The following CCDC125 variants were observed in gnomAD, a reference collection of about 807,000 sequenced individuals.
CCDC125 encodes coiled-coil domain containing 125.
A neutral mutation model predicts 57.4 loss-of-function variants in CCDC125; 43 were observed. The observed-to-expected ratio is 0.75, with a 90% CI of 0.59 to 0.97. CCDC125 has a LOEUF of 0.97. Ranked by LOEUF, CCDC125 falls within the 50% of genes least tolerant of loss-of-function variation. CCDC125 has a pLI of 0.00. For missense variants in CCDC125, 563 were observed against 595.7 expected (o/e 0.95, Z 0.57); for synonymous variants, 187 against 195.2 (o/e 0.96, Z 0.35).
chr5:69,316,765 G>A (rs1000025282), intron 2 of CCDC125, among the ~76,000 whole-genome samples: 23 of 151,696 alleles, frequency 1.5e-4, no homozygotes, highest in African/African-American at 5.3e-4. Flanking sequence ...CTCCCACCTC[G>A]GCCTCCCAAA....
chr5:69,315,450 CA>C (rs1359288696), intron 2 of CCDC125, among the ~76,000 whole-genome samples: 1 of 4,864 alleles, frequency 2.1e-4, no homozygotes, highest in African/African-American at 4.1e-4. Context: ...AAAAAAAAAA[CA>C]AAAAAAAAAA....
intron 1 of CCDC125, among the ~76,000 whole-genome samples, chr5:69,327,256 G>A (rs1037216334): frequency 1.3e-5 from 2 of 151,606 alleles, no homozygotes; most frequent in African/African-American, 4.9e-5. Context: ...CACCACGCCC[G>A]GCTAATTTTT....
intron 8 of CCDC125, 88 bp downstream of exon 8, chr5:69,299,924 T>A (rs1329014362): frequency 5.8e-6 from 6 of 1,042,800 alleles, no homozygotes; most frequent in Non-Finnish European, 9.0e-6. Flanking sequence ...GTATGTGCTA[T>A]CCTACAATGT....
At chr5:69,275,990 T>C (rs1488025728), downstream of CCDC125, among the ~76,000 whole-genome samples, 1 of 152,200 alleles carries the variant, frequency 6.6e-6, no homozygotes, top group Non-Finnish European at 1.5e-5. Flanking sequence ...ATTCAGCCTG[T>C]ATAGGCTATT....
chr5:69,284,595 T>C (rs1025958988), intron 11 of CCDC125, among the ~76,000 whole-genome samples: 8 of 152,056 alleles, frequency 5.3e-5, no homozygotes, highest in Non-Finnish European at 8.8e-5. Flanking sequence ...CGAGAAAAGA[T>C]GAGCTGAGGG....
intron 2 of CCDC125, among the ~76,000 whole-genome samples, chr5:69,318,035 G>A (rs1437265694): frequency 7.1e-6 from 1 of 141,742 alleles, no homozygotes; most frequent in East Asian, 2.2e-4. Flanking sequence ...AGGCTGGAGC[G>A]CAGTGGTGCG....
rs536290786 is a variant in CCDC125, at chr5:69,323,258, G to A, written c.-40-2678C>T. 2.6e-4 allele frequency among the ~76,000 whole-genome samples: 39 copies of A among 151,678 alleles called. 1 individual carries two copies. Among genetic ancestry groups the A allele is most frequent in the South Asian group, 2.3e-3 (11 of 4,804 alleles). On this transcript the variant is annotated intron_variant, in intron 1 of 11. Coordinates refer to ENST00000396496, the MANE Select transcript of CCDC125 (RefSeq NM_176816.5). ...TGGGAGACAGAGGTTGCAGTAAGCC[G>A]AGATTGCGCCACTGCACTCTAGCCT...
chr5:69,278,885 GAGAC>G (rs1218760932), downstream of CCDC125, among the ~76,000 whole-genome samples: 1 of 141,440 alleles, frequency 7.1e-6, no homozygotes, highest in African/African-American at 2.6e-5. Flanking sequence ...TTTTTTTAAT[GAGAC>G]AGAGTCTTGC....
At chr5:69,277,785 G>A (rs1245455634), downstream of CCDC125, among the ~76,000 whole-genome samples, 2 of 148,682 alleles carry the variant, frequency 1.3e-5, no homozygotes, top group African/African-American at 2.5e-5. Flanking sequence ...AAAAAAAAAT[G>A]TAGTAGTGGT....
At chr5:69,273,883 AGATGGATG>A in the CCDC125 span, among the ~76,000 whole-genome samples, 1 of 152,138 alleles carries the variant, frequency 6.6e-6, no homozygotes, top group Non-Finnish European at 1.5e-5. Context: ...ATATATATGG[AGATGGATG>A]GATGGATGGA....
rs1422546645 is a variant in CCDC125, at chr5:69,280,268, C to T, written c.*2461G>A. On this transcript the variant is annotated 3_prime_UTR_variant, in exon 12 of 12. Transcript: ENST00000396496. ...CTATCTTCAGTAGGGACTTTCCCTT[C>T]TAGAGAGCATACACATTTTGATTTT... 6.6e-6 allele frequency: 1 copy of T among 152,192 alleles called. No homozygotes were observed. Among genetic ancestry groups the T allele is most frequent in the Non-Finnish European group, 1.5e-5 (1 of 68,030 alleles). The allele number at this position is 152,192 out of a possible 1,614,324, so 9.4% of individuals were successfully genotyped here.
chr5:69,312,447 A>G (rs560392649), intron 3 of CCDC125, among the ~76,000 whole-genome samples: 1 of 152,316 alleles, frequency 6.6e-6, no homozygotes, highest in South Asian at 2.1e-4. Flanking sequence ...AACACACAGT[A>G]AGGTGGGCTT....
At chr5:69,296,546 T>C (rs1330535130) in intron 8 of CCDC125, among the ~76,000 whole-genome samples, 1 of 151,944 alleles carries the variant, frequency 6.6e-6, no homozygotes, top group East Asian at 2.0e-4. Flanking sequence ...AGCAAAACTC[T>C]GTCTCAAAAA....
intron 9 of CCDC125, chr5:69,293,919 A>G (rs1449716661): frequency 1.3e-5 from 2 of 152,380 alleles, no homozygotes; most frequent in Non-Finnish European, 2.9e-5. Flanking sequence ...TGGCATGTTC[A>G]TGGTGCTGTG....
chr5:69,292,452 A>C, intron 9 of CCDC125, 90 bp from the exon 10 acceptor site: 14 of 864,834 alleles, frequency 1.6e-5, no homozygotes, highest in Non-Finnish European at 2.4e-5. Context: ...ATGCAATCTC[A>C]CTGCCTAGCA....
chr5:69,278,694 C>A (rs1752319476), downstream of CCDC125, among the ~76,000 whole-genome samples: 1 of 140,508 alleles, frequency 7.1e-6, no homozygotes, highest in Non-Finnish European at 1.5e-5. Context: ...TTGATAGAAT[C>A]TCTCTCTCCT....
chr5:69,327,509 C>T (rs1460286360), intron 1 of CCDC125, among the ~76,000 whole-genome samples: 1 of 152,230 alleles, frequency 6.6e-6, no homozygotes. Context: ...AGTCACTAAA[C>T]TATCCAACCA....
chr5:69,327,094 CTTTTTT>C (rs34614722), intron 1 of CCDC125, among the ~76,000 whole-genome samples: 4 of 136,984 alleles, frequency 2.9e-5, no homozygotes, highest in Non-Finnish European at 6.2e-5. Flanking sequence ...TATTCTCCCA[CTTTTTT>C]TTTTTTTTTT....
intron 10 of CCDC125, among the ~76,000 whole-genome samples, chr5:69,287,133 CTG>C (rs1232477150): frequency 1.3e-5 from 2 of 151,966 alleles, no homozygotes; most frequent in African/African-American, 4.8e-5. Flanking sequence ...ATAAAATAAT[CTG>C]TATCACCCTG....
Sources: allele counts gnomAD v4.1 joint callset (sites outside exome capture counted in the v4.1 genomes callset), GRCh38; gene constraint gnomAD v4.1.1; transcripts MANE v1.5; gene names NCBI Gene and HGNC (gene_info 2026-07-23, HGNC 2026-07-21).